Variants in LAPTM4B observed in about 807,000 individuals in gnomAD.
LAPTM4B encodes the protein lysosomal protein transmembrane 4 beta.
In LAPTM4B, 26 loss-of-function variants were observed where a neutral mutation model predicts 28.5. The ratio of observed to expected loss-of-function variants is 0.91; its 90% CI spans 0.67 to 1.27. LAPTM4B has a LOEUF of 1.27. Among genes scored for constraint, LAPTM4B ranks in the 50% most tolerant of loss-of-function variants. The pLI, the probability that LAPTM4B is intolerant of heterozygous loss-of-function variation, is 0.00. For missense variants in LAPTM4B, 288 were observed against 285.8 expected (o/e 1.01, Z -0.06); for synonymous variants, 109 against 106.4 (o/e 1.02, Z -0.15).
intron 6 of LAPTM4B, among the ~76,000 whole-genome samples, chr8:97,827,728 G>A (rs1454009273): frequency 1.3e-5 from 2 of 152,220 alleles, no homozygotes; most frequent in Non-Finnish European, 2.9e-5. Context: ...CAACAAGGCT[G>A]TTTATTCACT....
intron 5 of LAPTM4B, among the ~76,000 whole-genome samples, chr8:97,820,305 T>TTTC (rs1303658654): frequency 2.3e-4 from 10 of 43,538 alleles, no homozygotes; most frequent in African/African-American, 4.0e-4. Context: ...TCTTTCTTTC[T>TTTC]TTTTTTTTTT....
intron 2 of LAPTM4B, among the ~76,000 whole-genome samples, chr8:97,807,166 C>T (rs1368371988): frequency 6.6e-6 from 1 of 152,134 alleles, no homozygotes. Flanking sequence ...CTGACACCGC[C>T]GTGTGTTGAA....
chr8:97,817,759 A>AT (rs71271159), intron 4 of LAPTM4B, among the ~76,000 whole-genome samples: 51,357 of 148,632 alleles, frequency 0.35, 8,881 homozygotes, highest in East Asian at 0.55. Flanking sequence ...TAATTTTTGT[A>AT]TTTTTTTTTT....
chr8:97,831,988 A>G (rs1817190078), intron 6 of LAPTM4B, among the ~76,000 whole-genome samples: 1 of 152,078 alleles, frequency 6.6e-6, no homozygotes, highest in Admixed American at 6.5e-5. Flanking sequence ...TTCTGCTTTG[A>G]TTGTTGTGGT....
chr8:97,822,881 ACC>A (rs979879118), intron 5 of LAPTM4B, among the ~76,000 whole-genome samples: 1 of 151,788 alleles, frequency 6.6e-6, no homozygotes, highest in Non-Finnish European at 1.5e-5. Flanking sequence ...TCACTCTGTC[ACC>A]CAGGCTGGAG....
chr8:97,779,550 C>T (rs935349130), intron 1 of LAPTM4B, among the ~76,000 whole-genome samples: 2 of 151,474 alleles, frequency 1.3e-5, no homozygotes, highest in Admixed American at 6.6e-5. Flanking sequence ...TTTGGGCGGC[C>T]GAGGTAGGCG....
intron 6 of LAPTM4B, among the ~76,000 whole-genome samples, chr8:97,837,505 G>C (rs1232912886): frequency 6.6e-6 from 1 of 152,066 alleles, no homozygotes; most frequent in Non-Finnish European, 1.5e-5. Context: ...GTATAGTTTG[G>C]ATATGGTTAG....
intron 2 of LAPTM4B, among the ~76,000 whole-genome samples, chr8:97,811,479 G>T (rs1351727549): frequency 2.6e-5 from 4 of 152,178 alleles, no homozygotes; most frequent in Non-Finnish European, 5.9e-5. Flanking sequence ...TGTACTGTGT[G>T]TATGCTTATA....
At position 97,824,833 on chromosome 8, in the gene LAPTM4B, C is replaced by T. The variant is rs551364616; in HGVS notation, c.508-225C>T. The stretch of plus-strand genomic sequence containing the variant: ...AACTTCCCCCAGTACCACCCCCATA[C>T]CCCCATTGGTGTAATAGAATACGGC... On this transcript the variant is annotated intron_variant, in intron 5 of 6. Transcript: ENST00000521545. Among the ~76,000 whole-genome samples, 5 of 150,392 alleles carry T rather than the reference C, an allele frequency of 3.3e-5. No homozygotes were observed. The South Asian group carries it at 8.5e-4, about 26-fold the overall frequency.
At chr8:97,787,395 C>T (rs1816420871) in intron 1 of LAPTM4B, among the ~76,000 whole-genome samples, 1 of 151,576 alleles carries the variant, frequency 6.6e-6, no homozygotes, top group African/African-American at 2.4e-5. Flanking sequence ...ACGCCATTCT[C>T]CTGCCTCAGC....
chr8:97,834,144 G>GGAAAAAAAAAAAAAAAAAAAAAAAA (rs1554593011), intron 6 of LAPTM4B, among the ~76,000 whole-genome samples: 3 of 75,344 alleles, frequency 4.0e-5, no homozygotes, highest in Non-Finnish European at 6.0e-5. Flanking sequence ...TGTCTCTACA[G>GGAAAAAAAAAAAAAAAAAAAAAAAA]AAAAAAAAAA....
intron 2 of LAPTM4B, among the ~76,000 whole-genome samples, chr8:97,814,402 G>A (rs951924803): frequency 6.6e-6 from 1 of 152,046 alleles, no homozygotes; most frequent in African/African-American, 2.4e-5. Flanking sequence ...GGTACCTAGG[G>A]GGTGAGGTGG....
intron 6 of LAPTM4B, among the ~76,000 whole-genome samples, chr8:97,850,387 G>A (rs946217338): frequency 5.3e-5 from 8 of 151,530 alleles, no homozygotes; most frequent in African/African-American, 2.0e-4. Context: ...TCGAGGAAGT[G>A]AGACCTGGCT....
At chr8:97,819,511 T>A (rs1445598942) in intron 5 of LAPTM4B, among the ~76,000 whole-genome samples, 1 of 152,206 alleles carries the variant, frequency 6.6e-6, no homozygotes, top group African/African-American at 2.4e-5. Context: ...CAACGTCTGT[T>A]ACAAGGTCTG....
At position 97,815,340 on chromosome 8, in the gene LAPTM4B, C is replaced by G. The variant is rs1035501618; in HGVS notation, c.224C>G (p.Ala75Gly). 1.2e-6 allele frequency: 2 copies of G among 1,613,614 alleles called. No individual in the cohort carries two copies. Among genetic ancestry groups the G allele is most frequent in the Non-Finnish European group, 1.7e-6 (2 of 1,179,740 alleles). The change falls in exon 3 of 7, where the codon GCC becomes GGC. Residue 75 changes from alanine to glycine, a missense_variant. Transcript: ENST00000521545. ...EFMDDANMCI[A>G]IAISLLMILI... ...AATCTTTCGGCAGACATGTGCATTG[C>G]CATTGCGATTTCTCTTCTCATGATC... is the stretch of plus-strand genomic sequence containing the variant.
intron 1 of LAPTM4B, among the ~76,000 whole-genome samples, chr8:97,795,142 C>CA (rs1816562381): frequency 1.3e-5 from 2 of 152,216 alleles, no homozygotes; most frequent in Admixed American, 6.5e-5. Context: ...CTTTGTCACT[C>CA]AGAGTGCAGT....
At chr8:97,841,256 G>T (rs1156984130) in intron 6 of LAPTM4B, among the ~76,000 whole-genome samples, 1 of 146,366 alleles carries the variant, frequency 6.8e-6, no homozygotes, top group Non-Finnish European at 1.5e-5. Flanking sequence ...GTACAGAGTT[G>T]TGTGTCTGTG....
intron 6 of LAPTM4B, among the ~76,000 whole-genome samples, chr8:97,839,595 C>T (rs2449553): frequency 0.076 from 11,513 of 152,216 alleles, 805 homozygotes; most frequent in East Asian, 0.3. Context: ...GAAGACTACA[C>T]GAGCACTTGT....
At chr8:97,847,788 T>A (rs1817454009) in intron 6 of LAPTM4B, among the ~76,000 whole-genome samples, 1 of 152,190 alleles carries the variant, frequency 6.6e-6, no homozygotes, top group African/African-American at 2.4e-5. Context: ...CCTTTGAAAG[T>A]AGTCCAAAGG....
Sources: allele counts gnomAD v4.1 joint callset (sites outside exome capture counted in the v4.1 genomes callset), GRCh38; gene constraint gnomAD v4.1.1; transcripts MANE v1.5; gene names NCBI Gene and HGNC (gene_info 2026-07-23, HGNC 2026-07-21).